The following SPACA3 variants were observed in gnomAD, a reference collection of about 807,000 sequenced individuals.
SPACA3 encodes sperm acrosome membrane-associated protein 3.
A neutral mutation model predicts 24.5 loss-of-function variants in SPACA3; 21 were observed. The observed-to-expected ratio is 0.86, with a 90% CI of 0.61 to 1.24. The LOEUF (loss-of-function observed/expected upper bound fraction) is 1.24, where lower values mean the gene tolerates loss of function less well. Ranked by LOEUF, SPACA3 falls within the 50% of genes most tolerant of loss-of-function variation. The pLI, the probability that SPACA3 is intolerant of heterozygous loss-of-function variation, is 0.00. For missense variants in SPACA3, 278 were observed against 275.5 expected (o/e 1.01, Z -0.06); for synonymous variants, 115 against 106.9 (o/e 1.08, Z -0.47).
rs368001300 is a variant in SPACA3 at position 32,992,835 on chromosome 17, T to C, written c.34+863T>C. 1,191 of 466,514 alleles carry C rather than the reference T, an allele frequency of 2.6e-3. 8 individuals are homozygous for C. Among genetic ancestry groups the C allele is most frequent in the Non-Finnish European group, 2.9e-3 (663 of 225,036 alleles). 28.9% of individuals were successfully genotyped at this position (466,514 alleles called of 1,614,324 possible). A position where few individuals can be genotyped will look rare whatever the true frequency, so the allele number is the denominator to read the frequency against. Reference sequence around the variant, plus strand: ...GGCCGCAGGGCTGGGCTGTGAAGGGTCGTGAAGGGCCGTGTGGACCTCGAA... The same window carrying C: ...GGCCGCAGGGCTGGGCTGTGAAGGGCCGTGAAGGGCCGTGTGGACCTCGAA... On this transcript the variant is annotated intron_variant, in intron 1 of 4. Transcript: ENST00000269053.
intron 1 of SPACA3, among the ~76,000 whole-genome samples, chr17:32,994,524 C>CA (rs1372416318): frequency 1.3e-5 from 2 of 152,142 alleles, no homozygotes; most frequent in African/African-American, 4.8e-5. Context: ...AGAGTTTGTA[C>CA]AACTCTTTCA....
Position 32,995,389 on chromosome 17 carries a change from T to C in SPACA3, c.35-20T>C. On this transcript the variant is annotated intron_variant, in intron 1 of 4. Coordinates refer to ENST00000269053, the MANE Select transcript of SPACA3 (RefSeq NM_173847.5). The stretch of plus-strand genomic sequence containing the variant: ...AGCCTGGCCTTCTGCCCACCCCTTC[T>C]CTCCTCTCCCCTTTCCCAGGGGTGC... 1 of 1,569,568 alleles carries C rather than the reference T, an allele frequency of 6.4e-7. No homozygotes were observed. The highest frequency in any genetic ancestry group is 8.6e-7 in the Non-Finnish European group (1 of 1,156,364).
At chr17:32,997,553 G>A (rs1454590798) in intron 4 of SPACA3, 30 bp downstream of exon 4, 9 of 1,602,246 alleles carry the variant, frequency 5.6e-6, no homozygotes, top group Admixed American at 3.3e-5. Context: ...GCCCCGCAGC[G>A]GTGGTATGGT....
At chr17:32,996,592 TA>T (rs2091723477) in intron 2 of SPACA3, among the ~76,000 whole-genome samples, 1 of 151,992 alleles carries the variant, frequency 6.6e-6, no homozygotes, top group African/African-American at 2.4e-5. Flanking sequence ...ACTGCTGGGC[TA>T]AAAGTCAAGA....
At chr17:32,996,096 C>T (rs2091719872) in intron 2 of SPACA3, among the ~76,000 whole-genome samples, 1 of 152,188 alleles carries the variant, frequency 6.6e-6, no homozygotes, top group South Asian at 2.1e-4. Flanking sequence ...TTTAGATGGC[C>T]ATGTGGGAAG....
intron 1 of SPACA3, among the ~76,000 whole-genome samples, chr17:32,994,860 T>C (rs1320746510): frequency 6.6e-6 from 1 of 152,168 alleles, no homozygotes; most frequent in East Asian, 1.9e-4. Context: ...AGGCTGGGCT[T>C]CCAGGGAGAA....
At chr17:32,997,338 TGTGTGTAG>T in intron 3 of SPACA3, 99 bp from the exon 4 acceptor site, 1 of 797,202 alleles carries the variant, frequency 1.3e-6, no homozygotes, top group Non-Finnish European at 2.0e-6. Flanking sequence ...TGTGTGTGTG[TGTGTGTAG>T]AGAGAGAGAG....
chr17:32,995,497 C>T lies in SPACA3; in HGVS notation c.123C>T (p.Ser41=). ...SCLSSQSSAL[S]QSGGGSTSAA... ...TGTCATCCCAAAGCTCAGCTCTGAGCCAGAGTGGTGGTGGCTCCACCTCTG... is the reference window on the plus strand; with the variant it reads ...TGTCATCCCAAAGCTCAGCTCTGAGTCAGAGTGGTGGTGGCTCCACCTCTG... Residue 41 remains serine (S), a synonymous_variant, in exon 2 of 5, where the codon AGC becomes AGT. Coordinates refer to ENST00000269053, the MANE Select transcript of SPACA3 (RefSeq NM_173847.5). The T allele has an allele frequency of 6.2e-7, 1 of 1,614,150 alleles. No individual in the cohort carries two copies. The highest frequency in any genetic ancestry group is 8.5e-7 in the Non-Finnish European group (1 of 1,180,012).
chr17:32,996,488 C>CAAAAAA (rs71144856), intron 2 of SPACA3, among the ~76,000 whole-genome samples: 2 of 103,620 alleles, frequency 1.9e-5, no homozygotes, highest in African/African-American at 7.0e-5. Flanking sequence ...GACTCCGTCT[C>CAAAAAA]AAAAAAAAAA....
At chr17:32,995,863 G>C (rs2091718916) in intron 2 of SPACA3, 146 bp downstream of exon 2, 1 of 1,001,836 alleles carries the variant, frequency 1.0e-6, no homozygotes, top group East Asian at 2.6e-5. Flanking sequence ...ATGGCAGGTA[G>C]AGAACAGCCA....
intron 1 of SPACA3, among the ~76,000 whole-genome samples, chr17:32,995,191 T>C (rs564926111): frequency 1.9e-4 from 29 of 152,304 alleles, no homozygotes; most frequent in Admixed American, 4.6e-4. Context: ...TTATAAAATC[T>C]TGGGCCTCAG....
At chr17:32,995,002 G>C (rs1424177341) in intron 1 of SPACA3, among the ~76,000 whole-genome samples, 1 of 152,196 alleles carries the variant, frequency 6.6e-6, no homozygotes, top group Non-Finnish European at 1.5e-5. Context: ...TGTTCTGGGG[G>C]AGACCTTGTT....
chr17:32,996,254 A>C (rs376026148), intron 2 of SPACA3, among the ~76,000 whole-genome samples: 8 of 152,176 alleles, frequency 5.3e-5, no homozygotes, highest in African/African-American at 1.9e-4. Context: ...TTGGGAGGCC[A>C]AGGCAGGTGG....
In SPACA3 at chr17:32,995,425, T is replaced by A. The variant is rs1437081053; in HGVS notation, c.51T>A (p.Pro17=). 1.2e-6 allele frequency: 2 copies of A among 1,603,598 alleles called. No homozygotes were observed. The highest frequency in any genetic ancestry group is 1.7e-6 in the Non-Finnish European group (2 of 1,173,804). Residue 17 remains proline (P), a synonymous_variant, in exon 2 of 5, where the codon CCT becomes CCA. Transcript: ENST00000269053. ...GAPLIRVHSS[P]VSSPSVSGPR... ...CTTTCCCAGGGGTGCACTCAAGCCC[T>A]GTTTCTTCTCCTTCTGTGAGTGGAC...
chr17:32,995,562 G>A lies in SPACA3; in HGVS notation c.188G>A (p.Arg63Gln), dbSNP rs377200328. Residue 63 changes from arginine (R) to glutamine (Q), a missense_variant, in exon 2 of 5, where the codon CGG becomes CAG. Transcript: ENST00000269053. Reference protein sequence around the residue: ...IEARSRALRRRWCPAGIMLLA... With the variant: ...IEARSRALRRQWCPAGIMLLA... ...GCCAGGAGCAGGGCTCTCAGAAGGC[G>A]GTGGTGCCCAGCTGGGATCATGTTG... The A allele has an allele frequency of 3.1e-6, 5 of 1,614,212 alleles. No individual in the cohort carries two copies. The African/African-American group carries it at 4.0e-5, about 13-fold the overall frequency.
At chr17:32,994,574 G>T (rs139213013) in intron 1 of SPACA3, among the ~76,000 whole-genome samples, 1 of 152,136 alleles carries the variant, frequency 6.6e-6, no homozygotes, top group East Asian at 1.9e-4. Context: ...GTGTGGAGGC[G>T]CAGAGGTCAA....
At position 32,995,629 on chromosome 17, in the gene SPACA3, T is replaced by C; in HGVS notation, c.255T>C (p.Ser85=). ...TGCTCAGCTGCCTGCTACCCTCCAGTGAGGCCAAGCTCTACGGTCGTTGTG... is the reference window on the plus strand; with the variant it reads ...TGCTCAGCTGCCTGCTACCCTCCAGCGAGGCCAAGCTCTACGGTCGTTGTG... ...VCLLSCLLPS[S]EAKLYGRCEL... Residue 85 remains serine, a synonymous_variant, in exon 2 of 5, where the codon AGT becomes AGC. Transcript: ENST00000269053. The C allele has an allele frequency of 6.2e-7, 1 of 1,614,204 alleles. No individual in the cohort carries two copies. The highest frequency in any genetic ancestry group is 2.2e-5 in the East Asian group (1 of 44,892).
chr17:32,995,728 C>G lies in SPACA3; in HGVS notation c.343+11C>G. 3 of 1,606,766 alleles carry G rather than the reference C, an allele frequency of 1.9e-6. No individual in the cohort carries two copies. The highest frequency in any genetic ancestry group is 2.6e-6 in the Non-Finnish European group (3 of 1,174,522). On this transcript the variant is annotated intron_variant, in intron 2 of 4. Transcript: ENST00000269053. ...ACAGCCTGGCTGACTGTGAGAACCCCTCTCCCTGGCGGGCCCTGACTTCCC... is the reference window on the plus strand; with the variant it reads ...ACAGCCTGGCTGACTGTGAGAACCCGTCTCCCTGGCGGGCCCTGACTTCCC...
At chr17:32,997,115 C>A in intron 3 of SPACA3, 114 bp downstream of exon 3, 2 of 1,263,678 alleles carry the variant, frequency 1.6e-6, no homozygotes, top group Non-Finnish European at 2.1e-6. Context: ...CCACATCAGG[C>A]TGGGCCCACG....
Sources: gnomAD v4.1 joint callset for allele counts (sites outside exome capture counted in the v4.1 genomes callset) on GRCh38, gnomAD v4.1.1 for gene constraint, MANE v1.5 for transcripts, NCBI Gene and HGNC (gene_info 2026-07-23, HGNC 2026-07-21) for gene names.